DCAF13: variants seen among roughly 807,000 people sequenced by gnomAD.
DCAF13 encodes DDB1 and CUL4 associated factor 13, also known as DDB1- and CUL4-associated factor 13.
DCAF13 carries 38 observed loss-of-function variants against 59.0 expected under a neutral mutation model. The ratio of observed to expected loss-of-function variants is 0.64; its 90% CI spans 0.50 to 0.84. The LOEUF (loss-of-function observed/expected upper bound fraction) is 0.84, where lower values mean the gene tolerates loss of function less well. Among genes scored for constraint, DCAF13 ranks in the 40% least tolerant of loss-of-function variants. The probability of loss-of-function intolerance (pLI) is 0.00; values close to 1 mark genes in which losing one functional copy is unlikely to be tolerated. For synonymous variants in DCAF13, 173 were observed against 175.0 expected, an observed-to-expected ratio of 0.99 and a Z score of 0.09; for missense variants, 469 against 558.4, an observed-to-expected ratio of 0.84 and a Z score of 1.61.
At chr8:103,428,646 A>T (rs944570118) in intron 5 of DCAF13, 9 of 152,140 alleles carry the variant, frequency 5.9e-5, no homozygotes, top group Non-Finnish European at 8.8e-5. Flanking sequence ...AAAAGTTGAT[A>T]ACATATGTGA....
At chr8:103,420,582 T>A in intron 2 of DCAF13, 119 bp downstream of exon 2, 4 of 1,051,256 alleles carry the variant, frequency 3.8e-6, no homozygotes, top group Non-Finnish European at 5.5e-6. Flanking sequence ...TTCTCAAGAC[T>A]AAATTTCGTT....
intron 1 of DCAF13, 113 bp downstream of exon 1, chr8:103,415,629 A>T: frequency 9.3e-7 from 1 of 1,078,752 alleles, no homozygotes; most frequent in Non-Finnish European, 1.3e-6. Flanking sequence ...GTTCTTTCTC[A>T]GTTACCTTTC....
chr8:103,441,323 C>A, intron 9 of DCAF13, 132 bp from the exon 10 acceptor site: 2 of 733,760 alleles, frequency 2.7e-6, no homozygotes, highest in Non-Finnish European at 4.3e-6. Flanking sequence ...TTGTAAAGTG[C>A]AGAATTACAT....
chr8:103,441,345 G>A (rs905360813), intron 9 of DCAF13, 110 bp from the exon 10 acceptor site: 28 of 992,448 alleles, frequency 2.8e-5, no homozygotes, highest in Admixed American at 3.2e-5. Context: ...GGCAATTTTG[G>A]TTGCATATCA....
chr8:103,419,288 G>A (rs967353907), intron 1 of DCAF13, among the ~76,000 whole-genome samples: 1 of 152,080 alleles, frequency 6.6e-6, no homozygotes, highest in South Asian at 2.1e-4. Flanking sequence ...TGGCTCCACC[G>A]TGTCGTATTC....
At position 103,435,769 on chromosome 8, in the gene DCAF13, C is replaced by T; in HGVS notation, c.929C>T (p.Pro310Leu). The T allele has an allele frequency of 6.2e-7, 1 of 1,613,594 alleles. No homozygotes were observed. Residue 310 changes from proline (P) to leucine (L), a missense_variant, in exon 8 of 11, where the codon CCT (proline) becomes CTT (leucine). By Grantham distance (98) the Pro-to-Leu change is moderately conservative (BLOSUM62 -3). Coordinates refer to ENST00000612750, the MANE Select transcript of DCAF13 (RefSeq NM_015420.7). ...TTCGATAAATCTATTCGAATCTTTC[C>T]TGTAGACAAAAGTCGAAGCAGGTAT... The part of the protein sequence containing the change: ...ASFDKSIRIF[P>L]VDKSRSREVY...
intron 3 of DCAF13, among the ~76,000 whole-genome samples, chr8:103,423,221 A>G (rs997865171): frequency 4.0e-5 from 6 of 150,544 alleles, no homozygotes; most frequent in Non-Finnish European, 8.9e-5. Flanking sequence ...GACTTAGTGT[A>G]TTTTTTTTTA....
intron 8 of DCAF13, among the ~76,000 whole-genome samples, chr8:103,439,278 A>G (rs1313800853): frequency 6.6e-6 from 1 of 151,570 alleles, no homozygotes; most frequent in Non-Finnish European, 1.5e-5. Context: ...GGTGTGAGCC[A>G]CCGCACCTGG....
intron 3 of DCAF13, among the ~76,000 whole-genome samples, chr8:103,424,269 C>T (rs1816760515): frequency 6.6e-6 from 1 of 152,126 alleles, no homozygotes; most frequent in African/African-American, 2.4e-5. Flanking sequence ...CCTAGTGATC[C>T]ACCCGCCTCA....
chr8:103,423,782 T>C (rs970932257), intron 3 of DCAF13, among the ~76,000 whole-genome samples: 1 of 152,234 alleles, frequency 6.6e-6, no homozygotes. Context: ...ATCATAAATA[T>C]ATATCTTTTA....
intron 8 of DCAF13, among the ~76,000 whole-genome samples, chr8:103,436,311 T>G (rs1816933470): frequency 6.6e-6 from 1 of 152,196 alleles, no homozygotes; most frequent in Admixed American, 6.5e-5. Flanking sequence ...CAACTCTGTA[T>G]GCCAAACCAA....
intron 7 of DCAF13, among the ~76,000 whole-genome samples, chr8:103,435,222 A>C (rs1816916476): frequency 6.6e-6 from 1 of 152,176 alleles, no homozygotes; most frequent in African/African-American, 2.4e-5. Flanking sequence ...GTGAAATATC[A>C]GAATATAAAG....
At chr8:103,419,331 C>T (rs1206787233) in intron 1 of DCAF13, among the ~76,000 whole-genome samples, 1 of 152,120 alleles carries the variant, frequency 6.6e-6, no homozygotes, top group African/African-American at 2.4e-5. Context: ...CTCAGTTTTC[C>T]CATCAATAAA....
At chr8:103,429,693 ACG>A (rs1816835763) in intron 5 of DCAF13, 1 of 152,170 alleles carries the variant, frequency 6.6e-6, no homozygotes, top group South Asian at 2.1e-4. Context: ...AGTTAACAAC[ACG>A]AAGAAACATT....
intron 10 of DCAF13, chr8:103,441,873 C>T (rs1817015488): frequency 2.7e-6 from 1 of 371,290 alleles, no homozygotes; most frequent in Non-Finnish European, 4.8e-6. Flanking sequence ...TCATGCCATT[C>T]TCCTGTCTCA....
intron 1 of DCAF13, among the ~76,000 whole-genome samples, chr8:103,416,039 C>A (rs556649236): frequency 1.3e-5 from 2 of 152,308 alleles, no homozygotes; most frequent in Non-Finnish European, 2.9e-5. Context: ...CTGGTCTGTT[C>A]CCCCGTTAAC....
chr8:103,430,802 A>C (rs1238490140), intron 6 of DCAF13, 113 bp downstream of exon 6: 1 of 717,194 alleles, frequency 1.4e-6, no homozygotes, highest in Admixed American at 3.0e-5. Flanking sequence ...AAAATCTTTT[A>C]TACAGGTGTT....
At chr8:103,433,037 T>C (rs1481630489) in intron 7 of DCAF13, among the ~76,000 whole-genome samples, 3 of 152,174 alleles carry the variant, frequency 2.0e-5, no homozygotes, top group South Asian at 4.1e-4. Flanking sequence ...CACTTACTTA[T>C]TTAGATATTG....
intron 1 of DCAF13, among the ~76,000 whole-genome samples, chr8:103,419,601 A>G (rs994584302): frequency 2.0e-5 from 3 of 152,234 alleles, no homozygotes; most frequent in African/African-American, 4.8e-5. Flanking sequence ...TTGAGCAAAC[A>G]TCTTGCACAT....
Sources: allele counts gnomAD v4.1 joint callset (sites outside exome capture counted in the v4.1 genomes callset), GRCh38; gene constraint gnomAD v4.1.1; transcripts MANE v1.5; gene names NCBI Gene and HGNC (gene_info 2026-07-23, HGNC 2026-07-21).